Variants in WDSUB1 observed in about 807,000 individuals in gnomAD.
WDSUB1 encodes WD repeat, SAM and U-box domain-containing protein 1.
In WDSUB1, 49 loss-of-function variants were observed where a neutral mutation model predicts 53.9. That is an observed-to-expected ratio of 0.91 (90% confidence interval 0.72 to 1.15). The LOEUF (loss-of-function observed/expected upper bound fraction) is 1.15. Ranked by LOEUF, WDSUB1 falls within the 50% of genes most tolerant of loss-of-function variation. WDSUB1 has a pLI of 0.00. For synonymous variants in WDSUB1, 194 were observed against 200.6 expected, an observed-to-expected ratio of 0.97 and a Z score of 0.28; for missense variants, 514 against 562.0, an observed-to-expected ratio of 0.91 and a Z score of 0.86.
chr2:159,240,241 C>G (rs931480500), intron 10 of WDSUB1, among the ~76,000 whole-genome samples: 5 of 152,132 alleles, frequency 3.3e-5, no homozygotes, highest in Admixed American at 2.0e-4. Context: ...GCTCGATATT[C>G]TCTTGTATGG....
At chr2:159,274,787 G>T (rs1048582289) in intron 4 of WDSUB1, among the ~76,000 whole-genome samples, 4 of 152,104 alleles carry the variant, frequency 2.6e-5, no homozygotes, top group African/African-American at 9.7e-5. Context: ...TAAGCAAAAA[G>T]GGGACTCAAC....
At chr2:159,249,521 T>C (rs1435474716) in intron 9 of WDSUB1, among the ~76,000 whole-genome samples, 1 of 152,184 alleles carries the variant, frequency 6.6e-6, no homozygotes, top group East Asian at 1.9e-4. Context: ...GAGGTAATGC[T>C]CCATGAGGTT....
intron 10 of WDSUB1, among the ~76,000 whole-genome samples, chr2:159,245,240 A>AGT (rs2060766360): frequency 6.6e-6 from 1 of 152,182 alleles, no homozygotes; most frequent in Non-Finnish European, 1.5e-5. Context: ...GACTTACTAT[A>AGT]AAGCAGCCGG....
chr2:159,264,829 A>C (rs1395451831), intron 5 of WDSUB1, among the ~76,000 whole-genome samples: 3 of 152,150 alleles, frequency 2.0e-5, no homozygotes, highest in African/African-American at 7.2e-5. Flanking sequence ...CACATTTCTA[A>C]TCACAGCACT....
intron 9 of WDSUB1, among the ~76,000 whole-genome samples, chr2:159,251,939 T>G (rs914588711): frequency 2.0e-5 from 3 of 152,056 alleles, no homozygotes; most frequent in African/African-American, 7.2e-5. Context: ...TGCCCTTTAC[T>G]CTCCCAACTT....
chr2:159,283,584 T>A (rs1558885810), intron 1 of WDSUB1, among the ~76,000 whole-genome samples: 1 of 56,932 alleles, frequency 1.8e-5, no homozygotes, highest in Non-Finnish European at 6.2e-5. Context: ...TTCTAGAAAA[T>A]AGAGTATTTT....
chr2:159,259,986 A>C (rs968575942), intron 5 of WDSUB1, 143 bp from the exon 6 acceptor site: 3 of 963,660 alleles, frequency 3.1e-6, no homozygotes, highest in Non-Finnish European at 4.4e-6. Context: ...CCTTTTGTTC[A>C]TATGCATGAA....
At chr2:159,244,596 G>T (rs2060743878) in intron 10 of WDSUB1, among the ~76,000 whole-genome samples, 1 of 152,122 alleles carries the variant, frequency 6.6e-6, no homozygotes, top group Non-Finnish European at 1.5e-5. Flanking sequence ...ATATAACATT[G>T]TATTTCTATT....
At chr2:159,241,589 T>C (rs1251309072) in intron 10 of WDSUB1, among the ~76,000 whole-genome samples, 1 of 147,722 alleles carries the variant, frequency 6.8e-6, no homozygotes, top group Non-Finnish European at 1.5e-5. Flanking sequence ...GACAGCTAAA[T>C]TGGCAAAAAT....
chr2:159,265,432 A>G (rs2061323882), intron 5 of WDSUB1, among the ~76,000 whole-genome samples: 1 of 152,140 alleles, frequency 6.6e-6, no homozygotes, highest in African/African-American at 2.4e-5. Context: ...ACTTTATTTG[A>G]ATTACAAAGA....
Position 159,282,815 on chromosome 2 carries a change from A to G in WDSUB1, c.255T>C (p.Asn85=), listed in dbSNP as rs1223556762. Residue 85 remains asparagine (N), a synonymous_variant, in exon 2 of 11, where the codon AAT becomes AAC. Coordinates refer to ENST00000359774, the MANE Select transcript of WDSUB1 (RefSeq NM_001128212.3). The part of the protein sequence containing the change: ...DGTTVLWNTE[N]GQMLAVMEQP... Reference sequence around the variant, plus strand: ...GTTCCATCACTGCCAGCATCTGTCCATTTTCAGTATTCCATAGGACAGTGG... The same window carrying G: ...GTTCCATCACTGCCAGCATCTGTCCGTTTTCAGTATTCCATAGGACAGTGG... 1.2e-5 allele frequency: 20 copies of G among 1,614,056 alleles called. No homozygotes were observed. The highest frequency in any genetic ancestry group is 1.5e-5 in the Non-Finnish European group (18 of 1,180,038).
intron 4 of WDSUB1, among the ~76,000 whole-genome samples, chr2:159,274,242 G>A (rs1477197582): frequency 2.0e-5 from 3 of 152,122 alleles, no homozygotes; most frequent in Non-Finnish European, 4.4e-5. Flanking sequence ...AGTGGCCCAC[G>A]CCTGTAATCC....
intron 9 of WDSUB1, among the ~76,000 whole-genome samples, chr2:159,250,364 T>C (rs1413481723): frequency 6.6e-6 from 1 of 152,236 alleles, no homozygotes; most frequent in African/African-American, 2.4e-5. Context: ...ACATGTTGAA[T>C]ATGATTTTGC....
Position 159,248,476 on chromosome 2 carries a change from A to G in WDSUB1, c.1169T>C (p.Ile390Thr), listed in dbSNP as rs984691044. Reference protein sequence around the residue: ...LGLRSKVLRKIEELRTKVKSL... With the variant: ...LGLRSKVLRKTEELRTKVKSL... Reference sequence around the variant, plus strand: ...TTTAACCTTGGTCCTGAGCTCTTCAATTTTCCTCAGCACTTTACTACGCAG... The same window carrying G: ...TTTAACCTTGGTCCTGAGCTCTTCAGTTTTCCTCAGCACTTTACTACGCAG... The change falls in exon 10 of 11, where the codon ATT becomes ACT. Residue 390 changes from isoleucine (I) to threonine (T), a missense_variant. By Grantham distance (89) the Ile-to-Thr change is moderately conservative. Coordinates refer to ENST00000359774, the MANE Select transcript of WDSUB1 (RefSeq NM_001128212.3). 3.8e-6 allele frequency: 6 copies of G among 1,577,716 alleles called. No individual in the cohort carries two copies. The highest frequency in any genetic ancestry group is 2.3e-5 in the East Asian group (1 of 44,016).
chr2:159,256,096 G>T, intron 9 of WDSUB1, 100 bp downstream of exon 9: 1 of 1,140,246 alleles, frequency 8.8e-7, no homozygotes, highest in Non-Finnish European at 1.2e-6. Context: ...TTAGTGTAGT[G>T]CCAGAACATT....
chr2:159,256,446 T>C (rs2061065189), intron 8 of WDSUB1, 71 bp from the exon 9 acceptor site: 3 of 1,468,906 alleles, frequency 2.0e-6, no homozygotes, highest in Non-Finnish European at 1.9e-6. Context: ...CACTTTGAAT[T>C]AAAAGTAAAT....
At chr2:159,286,015 G>A (rs1280367599) in intron 1 of WDSUB1, among the ~76,000 whole-genome samples, 12 of 152,186 alleles carry the variant, frequency 7.9e-5, no homozygotes, top group Middle Eastern at 6.8e-3. Context: ...TCAGTGGGAA[G>A]TACCGAGGCC....
chr2:159,286,488 G>A (rs1346648449), intron 1 of WDSUB1, 95 bp downstream of exon 1: 1 of 152,132 alleles, frequency 6.6e-6, no homozygotes, highest in Non-Finnish European at 1.5e-5. Context: ...ACCGGGAAAT[G>A]GAGGGCTCAG....
intron 6 of WDSUB1, 152 bp downstream of exon 6, chr2:159,259,658 T>C: frequency 2.4e-6 from 2 of 825,990 alleles, no homozygotes; most frequent in Non-Finnish European, 3.6e-6. Context: ...ATATCTTACT[T>C]GCGTAACTAT....
Sources: allele counts gnomAD v4.1 joint callset (sites outside exome capture counted in the v4.1 genomes callset), GRCh38; gene constraint gnomAD v4.1.1; transcripts MANE v1.5; gene names NCBI Gene and HGNC (gene_info 2026-07-23, HGNC 2026-07-21).